PCCB: variants seen among roughly 807,000 people sequenced by gnomAD.
PCCB encodes the protein propionyl-CoA carboxylase beta chain, mitochondrial.
A neutral mutation model predicts 60.7 loss-of-function variants in PCCB; 43 were observed. The observed-to-expected ratio is 0.71, with a 90% CI of 0.55 to 0.91. The LOEUF (loss-of-function observed/expected upper bound fraction) is 0.91. Ranked by LOEUF, PCCB falls within the 40% of genes least tolerant of loss-of-function variation. The pLI is 0.00. For missense variants in PCCB, 766 were observed against 702.8 expected (o/e 1.09, Z -1.02); for synonymous variants, 276 against 255.9 (o/e 1.08, Z -0.75).
intron 10 of PCCB, among the ~76,000 whole-genome samples, chr3:136,320,436 T>C (rs1251694509): frequency 6.6e-6 from 1 of 152,248 alleles, no homozygotes; most frequent in African/African-American, 2.4e-5. Context: ...CCTAAATGTT[T>C]TATTCTTCTA....
intron 6 of PCCB, among the ~76,000 whole-genome samples, chr3:136,292,327 C>G (rs1933732577): frequency 6.6e-6 from 1 of 151,626 alleles, no homozygotes. Context: ...GTAGCTAGAC[C>G]TTTCTAGCAA....
At chr3:136,326,689 G>C (rs767651766) in intron 10 of PCCB, 114 bp from the exon 11 acceptor site, 91 of 790,632 alleles carry the variant, frequency 1.2e-4, no homozygotes, top group Non-Finnish European at 4.8e-5. Flanking sequence ...CAACAAAGAA[G>C]TGTTGGTGCC....
intron 2 of PCCB, 196 bp from the exon 3 acceptor site, chr3:136,256,359 C>G: frequency 1.6e-6 from 1 of 625,820 alleles, no homozygotes; most frequent in Non-Finnish European, 2.9e-6. Flanking sequence ...CCATTCACTC[C>G]TATTGATGAA....
rs1480566416 is a variant in PCCB at position 136,324,997 on chromosome 3, A to G, written c.1091-1806A>G. ...AACCTCCTTCTCCCAGGTTCAAGCAATTCTCCTGCCTCAGCCTCTGAGGTA... is the reference window on the plus strand; with the variant it reads ...AACCTCCTTCTCCCAGGTTCAAGCAGTTCTCCTGCCTCAGCCTCTGAGGTA... On this transcript the variant is annotated intron_variant, in intron 10 of 14. Coordinates refer to ENST00000251654, the MANE Select transcript of PCCB (RefSeq NM_000532.5). Among the ~76,000 whole-genome samples, 5 of 152,110 alleles carry G rather than the reference A, an allele frequency of 3.3e-5. No individual in the cohort carries two copies. In the South Asian group the frequency reaches 6.2e-4, roughly 19 times the overall value.
intron 3 of PCCB, 26 bp downstream of exon 3, chr3:136,256,649 A>C (rs1167927906): frequency 3.9e-6 from 6 of 1,519,452 alleles, no homozygotes; most frequent in Admixed American, 1.7e-5. Flanking sequence ...AATAGTCTGA[A>C]CTTTTCTTGG....
intron 8 of PCCB, among the ~76,000 whole-genome samples, chr3:136,299,470 GTATGCATGTGTATGTATGTA>G (rs1456783067): frequency 4.0e-5 from 6 of 150,840 alleles, no homozygotes; most frequent in Admixed American, 2.6e-4. Flanking sequence ...GTATGTATAG[GTATGCATGTGTATGTATGTA>G]TATGCATGTG....
chr3:136,329,329 C>G (rs1443056497), intron 14 of PCCB, among the ~76,000 whole-genome samples: 1 of 152,198 alleles, frequency 6.6e-6, no homozygotes, highest in East Asian at 1.9e-4. Context: ...GTTAGCTAGA[C>G]TCACTCCCCA....
chr3:136,264,011 CAAAA>C (rs3884120), intron 5 of PCCB, among the ~76,000 whole-genome samples: 2 of 107,542 alleles, frequency 1.9e-5, no homozygotes, highest in East Asian at 2.8e-4. Flanking sequence ...GACTCTGTCT[CAAAA>C]AAAAAAAAAA....
At chr3:136,260,846 A>G (rs1294998767) in intron 4 of PCCB, among the ~76,000 whole-genome samples, 1 of 152,220 alleles carries the variant, frequency 6.6e-6, no homozygotes, top group African/African-American at 2.4e-5. Flanking sequence ...TAATAACAAG[A>G]TTTAGCAGTA....
At chr3:136,323,332 CTCTGA>C (rs1935175841) in intron 10 of PCCB, among the ~76,000 whole-genome samples, 1 of 152,076 alleles carries the variant, frequency 6.6e-6, no homozygotes, top group Non-Finnish European at 1.5e-5. Context: ...TCTTCATATT[CTCTGA>C]TCTTTCTTCT....
chr3:136,329,785 T>A, intron 14 of PCCB, 120 bp from the exon 15 acceptor site: 1 of 1,031,038 alleles, frequency 9.7e-7, no homozygotes, highest in African/African-American at 1.6e-5. Flanking sequence ...CATCTCTGTA[T>A]CAGGTTGGGC....
chr3:136,262,246 A>G (rs1941848562), intron 5 of PCCB, among the ~76,000 whole-genome samples, 181 bp downstream of exon 5: 1 of 152,172 alleles, frequency 6.6e-6, no homozygotes, highest in Non-Finnish European at 1.5e-5. Context: ...GAGAGTGGGA[A>G]GAGAGGGTTT....
intron 6 of PCCB, among the ~76,000 whole-genome samples, chr3:136,290,334 T>C (rs554852298): frequency 2.6e-5 from 4 of 152,306 alleles, no homozygotes; most frequent in African/African-American, 7.2e-5. Flanking sequence ...CTCAACACTT[T>C]AAATATTTCA....
intron 12 of PCCB, 105 bp from the exon 13 acceptor site, chr3:136,327,529 G>C (rs1935367971): frequency 1.1e-6 from 1 of 872,356 alleles, no homozygotes; most frequent in Admixed American, 1.9e-5. Context: ...GCCCAGTAGG[G>C]CTATTCTTGT....
At chr3:136,261,883 G>T in intron 4 of PCCB, 69 bp from the exon 5 acceptor site, 2 of 1,050,484 alleles carry the variant, frequency 1.9e-6, no homozygotes, top group South Asian at 2.7e-5. Flanking sequence ...AAACACTGTG[G>T]TATTTTGTGA....
At chr3:136,268,087 GATATA>G (rs1942065766) in intron 5 of PCCB, among the ~76,000 whole-genome samples, 14 of 93,794 alleles carry the variant, frequency 1.5e-4, no homozygotes, top group South Asian at 1.2e-3. Context: ...TGTGTGTGTA[GATATA>G]TATATATATA....
intron 1 of PCCB, among the ~76,000 whole-genome samples, chr3:136,253,082 G>GT (rs59099393): frequency 0.065 from 4,657 of 71,338 alleles, 519 homozygotes; most frequent in African/African-American, 0.16. Context: ...AGCAATGGAG[G>GT]TTTTTTTTTT....
Position 136,323,977 on chromosome 3 carries a change from CTT to C in PCCB, c.1091-2823_1091-2822del, listed in dbSNP as rs1935204055. 2.1e-5 allele frequency among the ~76,000 whole-genome samples: 3 copies of C among 145,808 alleles called. No individual in the cohort carries two copies. In the South Asian group the frequency reaches 6.4e-4, roughly 31 times the overall value. On this transcript the variant is annotated intron_variant, in intron 10 of 14. Transcript: ENST00000251654. ...GTAACGCTGGCAGTCAAATTTTCCT[CTT>C]TTCCCAAGCTTTGTTTTTTTTTTTT...
chr3:136,276,543 ACT>A (rs1458729040), intron 5 of PCCB, among the ~76,000 whole-genome samples: 3 of 145,806 alleles, frequency 2.1e-5, no homozygotes, highest in African/African-American at 7.6e-5. Flanking sequence ...GGAATTTGTG[ACT>A]CTGCCTCTCT....
Sources: allele counts gnomAD v4.1 joint callset (sites outside exome capture counted in the v4.1 genomes callset), GRCh38; gene constraint gnomAD v4.1.1; transcripts MANE v1.5; gene names NCBI Gene and HGNC (gene_info 2026-07-23, HGNC 2026-07-21).